The following PDE10A variants were observed in gnomAD, a reference collection of about 807,000 sequenced individuals.
PDE10A encodes the protein phosphodiesterase 10A, also known as cAMP and cAMP-inhibited cGMP 3',5'-cyclic phosphodiesterase 10A.
A neutral mutation model predicts 97.7 loss-of-function variants in PDE10A; 39 were observed. The ratio of observed to expected loss-of-function variants is 0.40; its 90% CI spans 0.31 to 0.52. The LOEUF is 0.52. Ranked by LOEUF, PDE10A falls within the 20% of genes least tolerant of loss-of-function variation. The pLI, the probability that PDE10A is intolerant of heterozygous loss-of-function variation, is 0.56. For synonymous variants in PDE10A, 371 were observed against 376.8 expected (o/e 0.98, Z 0.18); for missense variants, 731 against 1,047.8 (o/e 0.70, Z 4.17).
intron 1 of PDE10A, among the ~76,000 whole-genome samples, chr6:165,694,958 C>T (rs1296684432): frequency 1.3e-5 from 2 of 152,214 alleles, no homozygotes; most frequent in Non-Finnish European, 2.9e-5. Flanking sequence ...TTTCTCCTCT[C>T]TCCCGCCCCA....
intron 1 of PDE10A, among the ~76,000 whole-genome samples, chr6:165,962,756 T>C (rs1784397910): frequency 6.6e-6 from 1 of 152,224 alleles, no homozygotes; most frequent in African/African-American, 2.4e-5. Flanking sequence ...TTATAAATTC[T>C]GGTTCATAAA....
At chr6:165,356,881 T>C (rs1783061506) in intron 18 of PDE10A, among the ~76,000 whole-genome samples, 1 of 152,154 alleles carries the variant, frequency 6.6e-6, no homozygotes, top group African/African-American at 2.4e-5. Flanking sequence ...ATTTACTTTT[T>C]TCTTTCAAAT....
intron 1 of PDE10A, chr6:165,545,175 T>C (rs1013991562): frequency 2.8e-5 from 14 of 509,006 alleles, no homozygotes; most frequent in African/African-American, 9.8e-5. Context: ...CACAAGGCTA[T>C]AGAATTCTTA....
At chr6:165,566,133 A>T (rs1443526779) in intron 1 of PDE10A, among the ~76,000 whole-genome samples, 1 of 152,220 alleles carries the variant, frequency 6.6e-6, no homozygotes. Flanking sequence ...CTGCCAAGAG[A>T]ATAAAAAGAC....
chr6:165,473,602 G>A (rs556850167), intron 3 of PDE10A, among the ~76,000 whole-genome samples: 2 of 144,828 alleles, frequency 1.4e-5, no homozygotes, highest in Admixed American at 7.1e-5. Flanking sequence ...TGGAGGCAAG[G>A]TTACAGCTGA....
chr6:165,976,775 C>T (rs7746967), intron 1 of PDE10A, among the ~76,000 whole-genome samples: 1 of 152,224 alleles, frequency 6.6e-6, no homozygotes, highest in Non-Finnish European at 1.5e-5. Context: ...ACCACACCAG[C>T]TCACAATAAC....
At position 165,734,946 on chromosome 6, in the gene PDE10A, GAAAGTAGATAGA is replaced by G. The variant is rs1462275251; in HGVS notation, c.-614-191390_-614-191379del. On this transcript the variant is annotated intron_variant, in intron 1 of 19. Coordinates refer to the PDE10A transcript ENST00000366882. ...TTATCCACAGAAACAGAACCAATAA[GAAAGTAGATAGA>G]TAGATAGATAGATAGATAGATAGAT... is the stretch of plus-strand genomic sequence containing the variant. 4.1e-5 allele frequency among the ~76,000 whole-genome samples: 6 copies of G among 146,670 alleles called. No homozygotes were observed. The East Asian group carries it at 1.0e-3, about 25-fold the overall frequency.
intron 18 of PDE10A, among the ~76,000 whole-genome samples, chr6:165,348,131 G>C (rs556520884): frequency 6.6e-6 from 1 of 152,238 alleles, no homozygotes; most frequent in South Asian, 2.1e-4. Flanking sequence ...GGGACTAAGA[G>C]AATAAACATT....
At position 165,388,268 on chromosome 6, in the gene PDE10A, C is replaced by G; in HGVS notation, c.2610+30G>C. On this transcript the variant is annotated intron_variant, in intron 17 of 21. Transcript: ENST00000539869. The surrounding 1 kb of genome is among the most constrained non-coding windows in gnomAD (Gnocchi z 4.0). ...CCTATCTCCCAGACAGCCCTTCAGA[C>G]TAAGCGAGAGACGGCGTGCAGTGAC... The G allele has an allele frequency of 1.2e-6, 2 of 1,610,684 alleles. No homozygotes were observed. Among genetic ancestry groups the G allele is most frequent in the Non-Finnish European group, 1.7e-6 (2 of 1,177,248 alleles).
At chr6:165,909,311 A>G (rs149867460) in intron 1 of PDE10A, among the ~76,000 whole-genome samples, 1 of 152,140 alleles carries the variant, frequency 6.6e-6, no homozygotes, top group Non-Finnish European at 1.5e-5. Context: ...GGTTTTGAGT[A>G]CTCTGTGGGC....
chr6:165,554,084 T>A (rs1338566013), intron 1 of PDE10A, among the ~76,000 whole-genome samples: 2 of 152,082 alleles, frequency 1.3e-5, no homozygotes, highest in East Asian at 3.9e-4. Context: ...ATATAGGCTA[T>A]TTTCCTTAAG....
intron 1 of PDE10A, among the ~76,000 whole-genome samples, chr6:165,866,489 G>T (rs553143604): frequency 2.0e-5 from 3 of 151,656 alleles, no homozygotes; most frequent in African/African-American, 7.3e-5. Flanking sequence ...AAGGGCATCC[G>T]CAGTCTCTTA....
At position 165,765,789 on chromosome 6, in the gene PDE10A, C is replaced by T. The variant is rs1443606401; in HGVS notation, c.-615+221740G>A. On this transcript the variant is annotated intron_variant, in intron 1 of 19. Transcript: ENST00000366882. ...AGTGCCGCCAAAGTGGGAGCCCAGG[C>T]AGAGGAGGCACCCAGAGTGAGCGAG... 5.9e-5 allele frequency among the ~76,000 whole-genome samples: 9 copies of T among 152,362 alleles called. No individual in the cohort carries two copies. In the East Asian group the frequency reaches 1.5e-3, roughly 26 times the overall value.
intron 1 of PDE10A, among the ~76,000 whole-genome samples, chr6:165,685,397 G>A (rs1281473490): frequency 6.6e-6 from 1 of 151,876 alleles, no homozygotes; most frequent in Admixed American, 6.6e-5. Flanking sequence ...TATTCTGTGT[G>A]TGTGTGTGTG....
intron 1 of PDE10A, among the ~76,000 whole-genome samples, chr6:165,874,083 A>T (rs1278585589): frequency 6.6e-6 from 1 of 152,260 alleles, no homozygotes; most frequent in African/African-American, 2.4e-5. Flanking sequence ...TTGTAAGGGC[A>T]AAGCAGTCAG....
intron 1 of PDE10A, among the ~76,000 whole-genome samples, chr6:165,605,366 C>T (rs1787158010): frequency 6.6e-6 from 1 of 152,218 alleles, no homozygotes; most frequent in Non-Finnish European, 1.5e-5. Flanking sequence ...TGGGACTGCC[C>T]GTGGCACCTG....
intron 5 of PDE10A, among the ~76,000 whole-genome samples, chr6:165,441,604 A>G (rs1200219257): frequency 6.6e-6 from 1 of 152,196 alleles, no homozygotes; most frequent in Non-Finnish European, 1.5e-5. Context: ...TTTCAATGCT[A>G]AACTACTTAC....
At chr6:165,454,696 C>T (rs972571313) in intron 3 of PDE10A, among the ~76,000 whole-genome samples, 3 of 152,106 alleles carry the variant, frequency 2.0e-5, no homozygotes, top group African/African-American at 7.2e-5. Context: ...GTCTCCAGAA[C>T]TGTAAGAAAT....
At chr6:165,393,788 T>G (rs1399387263) in intron 15 of PDE10A, among the ~76,000 whole-genome samples, 1 of 152,160 alleles carries the variant, frequency 6.6e-6, no homozygotes, top group African/African-American at 2.4e-5. Context: ...ATTTAATTCC[T>G]AAATGAGTAA....
Sources: allele counts gnomAD v4.1 joint callset (sites outside exome capture counted in the v4.1 genomes callset), GRCh38; gene constraint gnomAD v4.1.1; non-coding constraint Gnocchi (gnomAD v3.1); transcripts MANE v1.5; gene names NCBI Gene and HGNC (gene_info 2026-07-23, HGNC 2026-07-21).